The following SPIDR variants were observed in gnomAD, a reference collection of about 807,000 sequenced individuals.
SPIDR encodes the protein DNA repair-scaffolding protein.
Under a neutral mutation model 104.6 loss-of-function variants are expected in SPIDR, and 93 were observed. That is an observed-to-expected ratio of 0.89 (90% CI 0.75 to 1.06). The LOEUF is 1.06. SPIDR is among the 50% of genes least tolerant of loss of function. The pLI is 0.00. For synonymous variants in SPIDR, 431 were observed against 416.9 expected, an observed-to-expected ratio of 1.03 and a Z score of -0.41; for missense variants, 1,154 against 1,111.2, an observed-to-expected ratio of 1.04 and a Z score of -0.55.
intron 16 of SPIDR, among the ~76,000 whole-genome samples, chr8:47,723,252 ACCATTC>A (rs2154492488): frequency 6.6e-6 from 1 of 152,172 alleles, no homozygotes; most frequent in African/African-American, 2.4e-5. Context: ...GTGTATTGAG[ACCATTC>A]TCATTTAAAG....
intron 8 of SPIDR, among the ~76,000 whole-genome samples, chr8:47,569,252 C>A (rs12334325): frequency 2.0e-5 from 3 of 151,950 alleles, no homozygotes; most frequent in African/African-American, 7.2e-5. Flanking sequence ...AACAAAGGTG[C>A]CCCAGAATAT....
intron 8 of SPIDR, among the ~76,000 whole-genome samples, chr8:47,494,001 T>C (rs1440503240): frequency 2.6e-5 from 4 of 152,118 alleles, no homozygotes. Context: ...CCCTCCCTCC[T>C]TCCTTCTTTT....
intron 8 of SPIDR, among the ~76,000 whole-genome samples, chr8:47,572,673 AAAATAAAT>A (rs56105115): frequency 0.097 from 14,175 of 145,808 alleles, 1,061 homozygotes; most frequent in African/African-American, 0.21. Context: ...AAATTAAATT[AAAATAAAT>A]AAATAAATAA....
At chr8:47,312,086 A>C (rs1457980073) in intron 5 of SPIDR, among the ~76,000 whole-genome samples, 3 of 152,150 alleles carry the variant, frequency 2.0e-5, no homozygotes, top group Admixed American at 2.0e-4. Flanking sequence ...TCCATGGTGG[A>C]TATGTGCCAC....
chr8:47,370,517 G>T (rs1482782592), intron 5 of SPIDR, among the ~76,000 whole-genome samples: 2 of 149,256 alleles, frequency 1.3e-5, no homozygotes, highest in Admixed American at 1.3e-4. Context: ...TGCGATCTGG[G>T]CTCACTGCAA....
At chr8:47,629,398 T>C (rs1374760557) in intron 10 of SPIDR, among the ~76,000 whole-genome samples, 1 of 152,164 alleles carries the variant, frequency 6.6e-6, no homozygotes, top group African/African-American at 2.4e-5. Flanking sequence ...TCTGAAACAC[T>C]GAAAGCAGCC....
chr8:47,728,573 G>C (rs190071261), intron 17 of SPIDR: 255 of 225,406 alleles, frequency 1.1e-3, no homozygotes, highest in African/African-American at 5.6e-3. Flanking sequence ...GGCATGCAGG[G>C]TAGCACACAA....
At chr8:47,711,730 T>C (rs2081923538) in intron 14 of SPIDR, among the ~76,000 whole-genome samples, 1 of 152,242 alleles carries the variant, frequency 6.6e-6, no homozygotes, top group South Asian at 2.1e-4. Context: ...CTCTAGATCA[T>C]TACCACAGAA....
At chr8:47,415,800 A>G (rs1354913511) in intron 7 of SPIDR, among the ~76,000 whole-genome samples, 2 of 152,198 alleles carry the variant, frequency 1.3e-5, no homozygotes, top group African/African-American at 4.8e-5. Context: ...GCCAAGATGG[A>G]CTAAGATACT....
chr8:47,345,276 T>A (rs2051689179), intron 5 of SPIDR, among the ~76,000 whole-genome samples: 1 of 152,206 alleles, frequency 6.6e-6, no homozygotes, highest in African/African-American at 2.4e-5. Context: ...TGGTTATAGA[T>A]GTGTGGTATT....
intron 1 of SPIDR, among the ~76,000 whole-genome samples, chr8:47,274,109 T>A (rs2035883194): frequency 6.6e-6 from 1 of 152,202 alleles, no homozygotes; most frequent in South Asian, 2.1e-4. Context: ...AAGATATTCC[T>A]ATCACTTAGG....
At chr8:47,467,872 G>A (rs1053921885) in intron 8 of SPIDR, among the ~76,000 whole-genome samples, 1 of 152,132 alleles carries the variant, frequency 6.6e-6, no homozygotes, top group South Asian at 2.1e-4. Context: ...TCAGGCAATA[G>A]AAATAAATAA....
rs534773722 is a variant in SPIDR, at chr8:47,422,036, A to T, written c.877+14075A>T. On this transcript the variant is annotated intron_variant, in intron 7 of 19. Coordinates refer to ENST00000297423, the MANE Select transcript of SPIDR (RefSeq NM_001080394.4). ...CTGCCCCTACTCAGGGGTGCCTCACAGTTGGGCTACTCGGAGGTCAGGGCC... is the reference window on the plus strand; with the variant it reads ...CTGCCCCTACTCAGGGGTGCCTCACTGTTGGGCTACTCGGAGGTCAGGGCC... 2.6e-5 allele frequency among the ~76,000 whole-genome samples: 4 copies of T among 152,320 alleles called. No individual in the cohort carries two copies. The South Asian group carries it at 8.3e-4, about 32-fold the overall frequency.
chr8:47,470,192 A>G (rs1433225683), intron 8 of SPIDR, among the ~76,000 whole-genome samples: 1 of 152,226 alleles, frequency 6.6e-6, no homozygotes, highest in African/African-American at 2.4e-5. Flanking sequence ...GGGTACTAGT[A>G]TAAGGAGAGA....
chr8:47,541,791 C>T (rs1472399681), intron 8 of SPIDR, among the ~76,000 whole-genome samples: 1 of 151,806 alleles, frequency 6.6e-6, no homozygotes, highest in Non-Finnish European at 1.5e-5. Flanking sequence ...CTCAGCTATT[C>T]GGGAGGCTGA....
intron 8 of SPIDR, among the ~76,000 whole-genome samples, chr8:47,553,478 C>A (rs560434694): frequency 6.6e-6 from 1 of 152,236 alleles, no homozygotes; most frequent in African/African-American, 2.4e-5. Flanking sequence ...TCTCTTCTTG[C>A]TTCATTTCAT....
At chr8:47,405,291 C>CGT (rs34302817) in intron 6 of SPIDR, among the ~76,000 whole-genome samples, 34,891 of 144,804 alleles carry the variant, frequency 0.24, 4,091 homozygotes, top group South Asian at 0.41. Context: ...CAACATGGCA[C>CGT]GTGTGTGTGT....
At chr8:47,672,383 G>C (rs1359656795) in intron 10 of SPIDR, among the ~76,000 whole-genome samples, 6 of 152,102 alleles carry the variant, frequency 3.9e-5, no homozygotes, top group Non-Finnish European at 8.8e-5. Flanking sequence ...TATTAGACGT[G>C]TTAGACCTTC....
At chr8:47,714,641 C>T (rs755942975) in intron 16 of SPIDR, among the ~76,000 whole-genome samples, 13 of 152,182 alleles carry the variant, frequency 8.5e-5, no homozygotes, top group Non-Finnish European at 1.6e-4. Context: ...CACAGCTGCC[C>T]GCCTTGAGGG....
Sources: gnomAD v4.1 joint callset for allele counts (sites outside exome capture counted in the v4.1 genomes callset) on GRCh38, gnomAD v4.1.1 for gene constraint, MANE v1.5 for transcripts, NCBI Gene and HGNC (gene_info 2026-07-23, HGNC 2026-07-21) for gene names.